SPTLC1: variants seen among roughly 807,000 people sequenced by gnomAD.
The protein encoded by SPTLC1 is serine palmitoyltransferase 1.
In SPTLC1, 55 loss-of-function variants were observed where a neutral mutation model predicts 68.9. The observed-to-expected ratio is 0.80, with a 90% CI of 0.64 to 1.00. The LOEUF is 1.00. Ranked by LOEUF, SPTLC1 falls within the 50% of genes least tolerant of loss-of-function variation. SPTLC1 has a pLI of 0.00. For synonymous variants in SPTLC1, 197 were observed against 201.6 expected, an observed-to-expected ratio of 0.98 and a Z score of 0.19; for missense variants, 449 against 573.1, an observed-to-expected ratio of 0.78 and a Z score of 2.21.
intron 13 of SPTLC1, among the ~76,000 whole-genome samples, chr9:92,036,671 A>G (rs2118360787): frequency 6.6e-6 from 1 of 152,186 alleles, no homozygotes; most frequent in Middle Eastern, 3.4e-3. Context: ...AAACAAATTC[A>G]CCTGCCTCAT....
chr9:92,093,351 C>T (rs965502414), intron 3 of SPTLC1, among the ~76,000 whole-genome samples: 1 of 152,056 alleles, frequency 6.6e-6, no homozygotes, highest in Non-Finnish European at 1.5e-5. Context: ...AACAAGAGAG[C>T]CATTACTTTT....
At chr9:92,084,068 T>C (rs1162419234) in intron 3 of SPTLC1, among the ~76,000 whole-genome samples, 4 of 151,888 alleles carry the variant, frequency 2.6e-5, no homozygotes, top group Non-Finnish European at 5.9e-5. Flanking sequence ...ATAAGAATGC[T>C]TGTGATTTTT....
At chr9:92,054,685 C>T (rs1159696703) in intron 8 of SPTLC1, among the ~76,000 whole-genome samples, 3 of 152,126 alleles carry the variant, frequency 2.0e-5, no homozygotes, top group Admixed American at 6.5e-5. Flanking sequence ...GAGGCCCAGG[C>T]GGGCAGATCA....
chr9:92,071,741 T>G (rs1022683262), intron 5 of SPTLC1, among the ~76,000 whole-genome samples: 31 of 152,064 alleles, frequency 2.0e-4, no homozygotes, highest in African/African-American at 7.2e-4. Flanking sequence ...ATCCAGAAGG[T>G]GTCCTGCAGC....
At chr9:92,039,410 A>ATAC (rs892169234) in intron 12 of SPTLC1, among the ~76,000 whole-genome samples, 4 of 148,372 alleles carry the variant, frequency 2.7e-5, no homozygotes, top group African/African-American at 7.9e-5. Flanking sequence ...ATGCTATGTC[A>ATAC]TACTACTATT....
chr9:92,081,050 G>T, intron 3 of SPTLC1, 87 bp from the exon 4 acceptor site: 11 of 988,576 alleles, frequency 1.1e-5, no homozygotes, highest in Non-Finnish European at 1.6e-5. Flanking sequence ...CAACAACATA[G>T]TGTTGTCATC....
At chr9:92,067,645 G>A (rs1183164150) in intron 6 of SPTLC1, among the ~76,000 whole-genome samples, 1 of 152,166 alleles carries the variant, frequency 6.6e-6, no homozygotes, top group Admixed American at 6.5e-5. Flanking sequence ...GACTTTGCCG[G>A]GCAGTCTGAC....
chr9:92,074,795 A>G (rs1237954220), intron 5 of SPTLC1, among the ~76,000 whole-genome samples: 2 of 148,020 alleles, frequency 1.4e-5, no homozygotes, highest in Non-Finnish European at 2.9e-5. Flanking sequence ...TCATCCTGTC[A>G]TGCCTAACCC....
chr9:92,051,254 C>G, intron 8 of SPTLC1: 1 of 984,504 alleles, frequency 1.0e-6, no homozygotes, highest in South Asian at 4.7e-5. Context: ...ATTTTGAATC[C>G]TTATTCAATT....
Position 92,050,431 on chromosome 9 carries a change from T to G in SPTLC1, c.781-364A>C, listed in dbSNP as rs77180080. On this transcript the variant is annotated intron_variant, in intron 8 of 14. Transcript: ENST00000262554. ...GCTTTTTGTTGGTGATTTTGCTATT[T>G]AGAGTCGCCCCCAAGTGTCATGCTA... 2.7e-3 allele frequency: 802 copies of G among 298,172 alleles called. 8 individuals are homozygous for G. The highest frequency in any genetic ancestry group is 0.017 in the African/African-American group (757 of 45,700). 18.5% of individuals were successfully genotyped at this position (298,172 alleles called of 1,614,324 possible). A position where few individuals can be genotyped will look rare whatever the true frequency, so the allele number is the denominator to read the frequency against.
intron 6 of SPTLC1, among the ~76,000 whole-genome samples, chr9:92,065,213 G>A (rs887378702): frequency 1.4e-4 from 21 of 152,216 alleles, no homozygotes; most frequent in Non-Finnish European, 2.5e-4. Flanking sequence ...ATACTTAGTG[G>A]AGTGATAGGA....
At position 92,059,292 on chromosome 9, in the gene SPTLC1, A is replaced by C. The variant is rs774953225; in HGVS notation, c.577T>G (p.Phe193Val). The C allele has an allele frequency of 1.9e-6, 3 of 1,614,102 alleles. No homozygotes were observed. Among genetic ancestry groups the C allele is most frequent in the Non-Finnish European group, 2.5e-6 (3 of 1,180,006 alleles). ...GCCTGTAATCCTTTCTGAATAGCAAAGCAGGCAGCTCTATCTCTGCAAGGA... is the reference window on the plus strand; with the variant it reads ...GCCTGTAATCCTTTCTGAATAGCAACGCAGGCAGCTCTATCTCTGCAAGGA... ...DIVFVDRAAC[F>V]AIQKGLQASR... The change falls in exon 7 of 15, where the codon TTT (phenylalanine) becomes GTT (valine). Residue 193 changes from phenylalanine (F) to valine (V), a missense_variant. By Grantham distance (50) the Phe-to-Val change is conservative. Transcript: ENST00000262554.
intron 6 of SPTLC1, among the ~76,000 whole-genome samples, chr9:92,059,641 A>G (rs1011636958): frequency 1.3e-5 from 2 of 152,232 alleles, no homozygotes; most frequent in Admixed American, 6.5e-5. Context: ...GTGCCTCACC[A>G]TCAGTGGCAT....
At chr9:92,039,061 C>T (rs1042140672) in intron 12 of SPTLC1, among the ~76,000 whole-genome samples, 6 of 152,164 alleles carry the variant, frequency 3.9e-5, no homozygotes, top group Admixed American at 6.5e-5. Flanking sequence ...GTGGGAGGAT[C>T]GCTTGAACTC....
intron 5 of SPTLC1, among the ~76,000 whole-genome samples, 186 bp from the exon 6 acceptor site, chr9:92,068,284 A>C (rs1283052910): frequency 6.6e-6 from 1 of 152,220 alleles, no homozygotes; most frequent in Non-Finnish European, 1.5e-5. Flanking sequence ...TACAACTTCT[A>C]AAATACATGA....
chr9:92,039,793 T>C (rs1436563358), intron 12 of SPTLC1, among the ~76,000 whole-genome samples: 1 of 152,206 alleles, frequency 6.6e-6, no homozygotes, highest in Non-Finnish European at 1.5e-5. Flanking sequence ...GAAACTCATC[T>C]GACCTGGCCT....
intron 3 of SPTLC1, among the ~76,000 whole-genome samples, chr9:92,097,854 A>G (rs1435680438): frequency 6.6e-6 from 1 of 152,188 alleles, no homozygotes; most frequent in East Asian, 1.9e-4. Context: ...TGTTTAAAGG[A>G]AAAAAACCTT....
At chr9:92,033,243 G>A (rs1833033392) in intron 14 of SPTLC1, among the ~76,000 whole-genome samples, 2 of 152,214 alleles carry the variant, frequency 1.3e-5, no homozygotes, top group South Asian at 4.1e-4. Flanking sequence ...CACAAAGCAG[G>A]AATTCCATCC....
chr9:92,049,822 G>C (rs777983821), intron 9 of SPTLC1, 138 bp downstream of exon 9: 1 of 719,418 alleles, frequency 1.4e-6, no homozygotes, highest in Non-Finnish European at 2.6e-6. Context: ...GGCTCACTGA[G>C]GTGACAGACA....
Sources: allele counts gnomAD v4.1 joint callset (sites outside exome capture counted in the v4.1 genomes callset), GRCh38; gene constraint gnomAD v4.1.1; transcripts MANE v1.5; gene names NCBI Gene and HGNC (gene_info 2026-07-23, HGNC 2026-07-21).